SPOCK1: variants seen among roughly 807,000 people sequenced by gnomAD.
The protein encoded by SPOCK1 is testican-1.
SPOCK1 carries 23 observed loss-of-function variants against 55.3 expected under a neutral mutation model. The observed-to-expected ratio is 0.42, with a 90% CI of 0.30 to 0.59. SPOCK1 has a LOEUF of 0.59. Among genes scored for constraint, SPOCK1 ranks in the 20% least tolerant of loss-of-function variants. The pLI, the probability that SPOCK1 is intolerant of heterozygous loss-of-function variation, is 0.22. For missense variants in SPOCK1, 499 were observed against 552.5 expected (o/e 0.90, Z 0.97); for synonymous variants, 226 against 221.0 (o/e 1.02, Z -0.20).
intron 5 of SPOCK1, among the ~76,000 whole-genome samples, chr5:137,105,123 G>A (rs1261630051): frequency 6.6e-6 from 1 of 152,170 alleles, no homozygotes; most frequent in African/African-American, 2.4e-5. Context: ...CTGCACAGAT[G>A]GGAACATCCA....
intron 2 of SPOCK1, among the ~76,000 whole-genome samples, chr5:137,335,362 A>G (rs1230703786): frequency 6.6e-6 from 1 of 152,236 alleles, no homozygotes; most frequent in African/African-American, 2.4e-5. Flanking sequence ...AGAGAAGGCA[A>G]TATGCCAAAA....
chr5:137,167,519 A>G (rs1754672492), intron 3 of SPOCK1, among the ~76,000 whole-genome samples: 3 of 151,932 alleles, frequency 2.0e-5, no homozygotes, highest in Admixed American at 2.0e-4. Flanking sequence ...AATACACATT[A>G]TTTTTTTCAG....
chr5:137,138,578 G>C (rs902398566), intron 4 of SPOCK1, among the ~76,000 whole-genome samples: 1 of 151,496 alleles, frequency 6.6e-6, no homozygotes, highest in Non-Finnish European at 1.5e-5. Context: ...AGGGTATTTG[G>C]GTATTTTTAA....
chr5:137,051,804 C>A (rs1752213156), intron 6 of SPOCK1, among the ~76,000 whole-genome samples: 1 of 152,138 alleles, frequency 6.6e-6, no homozygotes, highest in Admixed American at 6.5e-5. Context: ...ACACCTTTAA[C>A]CTCCAGTATG....
intron 6 of SPOCK1, among the ~76,000 whole-genome samples, chr5:137,012,597 T>G (rs967336512): frequency 6.6e-6 from 1 of 152,192 alleles, no homozygotes; most frequent in Non-Finnish European, 1.5e-5. Context: ...CCCAAGGCTG[T>G]CTGATTCCAG....
chr5:137,487,303 G>A (rs1216751316), intron 2 of SPOCK1, among the ~76,000 whole-genome samples: 1 of 150,634 alleles, frequency 6.6e-6, no homozygotes, highest in African/African-American at 2.4e-5. Context: ...CTTTTTTAGG[G>A]GGCAGGGGAG....
chr5:137,128,880 T>C (rs1291496469), intron 4 of SPOCK1, among the ~76,000 whole-genome samples: 1 of 152,226 alleles, frequency 6.6e-6, no homozygotes, highest in Non-Finnish European at 1.5e-5. Context: ...GATTAGATTA[T>C]ACACATTCAC....
intron 5 of SPOCK1, among the ~76,000 whole-genome samples, chr5:137,089,758 G>C (rs1753022306): frequency 6.6e-6 from 1 of 152,212 alleles, no homozygotes. Context: ...CACTGATTTT[G>C]AGTAACAAAA....
At chr5:137,451,365 T>G (rs1753251971) in intron 2 of SPOCK1, among the ~76,000 whole-genome samples, 1 of 152,230 alleles carries the variant, frequency 6.6e-6, no homozygotes. Flanking sequence ...CAAGCTCACG[T>G]TTCAGCCTTA....
chr5:137,298,926 C>G (rs1364249326), intron 2 of SPOCK1, among the ~76,000 whole-genome samples: 1 of 152,096 alleles, frequency 6.6e-6, no homozygotes, highest in Non-Finnish European at 1.5e-5. Context: ...GGTGTCCTCC[C>G]TTTCAATCCA....
intron 4 of SPOCK1, among the ~76,000 whole-genome samples, chr5:137,122,240 T>TGC (rs1554098637): frequency 7.5e-6 from 1 of 132,958 alleles, no homozygotes; most frequent in African/African-American, 2.9e-5. Context: ...AAAGCAGTTA[T>TGC]ACACACACAC....
intron 6 of SPOCK1, among the ~76,000 whole-genome samples, chr5:137,021,630 T>G (rs1319883108): frequency 6.6e-6 from 1 of 152,232 alleles, no homozygotes; most frequent in Non-Finnish European, 1.5e-5. Context: ...GTTCTGAGCC[T>G]AACTGTATTC....
rs77970200 is a variant in SPOCK1, at chr5:137,328,443, G to A, written c.187-61388C>T. Among the ~76,000 whole-genome samples the A allele has an allele frequency of 5.5e-3, 835 of 152,328 alleles. 6 individuals carry two copies. The highest frequency in any genetic ancestry group is 0.019 in the African/African-American group (790 of 41,560). On this transcript the variant is annotated intron_variant, in intron 2 of 10. Coordinates refer to ENST00000394945, the MANE Select transcript of SPOCK1 (RefSeq NM_004598.4). Reference sequence around the variant, plus strand: ...ATGTGGTCTTCAGGGGAGAGAGCAAGTCAGATACTAAGACCTGAACCTAGC... The same window carrying A: ...ATGTGGTCTTCAGGGGAGAGAGCAAATCAGATACTAAGACCTGAACCTAGC...
chr5:137,160,334 T>C (rs1044959162), intron 3 of SPOCK1, among the ~76,000 whole-genome samples: 3 of 124,426 alleles, frequency 2.4e-5, no homozygotes, highest in Admixed American at 2.1e-4. Context: ...ATATATATTA[T>C]ATATATTATA....
At chr5:137,283,429 A>G (rs17171291) in intron 2 of SPOCK1, among the ~76,000 whole-genome samples, 21,434 of 152,238 alleles carry the variant, frequency 0.14, 1,704 homozygotes, top group Admixed American at 0.2. Context: ...AAGAACTAGC[A>G]GAGACCAGGC....
intron 3 of SPOCK1, among the ~76,000 whole-genome samples, chr5:137,216,683 C>T (rs1755722697): frequency 6.6e-6 from 1 of 151,910 alleles, no homozygotes; most frequent in African/African-American, 2.4e-5. Flanking sequence ...TGCACTGCAG[C>T]CTGGGTGATA....
At chr5:137,218,255 C>G (rs547696465) in intron 3 of SPOCK1, among the ~76,000 whole-genome samples, 31 of 152,308 alleles carry the variant, frequency 2.0e-4, no homozygotes, top group African/African-American at 7.0e-4. Context: ...TCTTGACTTT[C>G]GGTCTAATGG....
At chr5:137,338,594 A>G (rs1177792023) in intron 2 of SPOCK1, among the ~76,000 whole-genome samples, 1 of 151,918 alleles carries the variant, frequency 6.6e-6, no homozygotes, top group African/African-American at 2.4e-5. Context: ...GAATCGCCAC[A>G]CTGACTTCCA....
At chr5:137,063,445 G>C (rs182265529) in intron 6 of SPOCK1, among the ~76,000 whole-genome samples, 191 of 150,684 alleles carry the variant, frequency 1.3e-3, no homozygotes, top group African/African-American at 4.4e-3. Flanking sequence ...GGTGAGACAA[G>C]AGAGTTCTGA....
Sources: gnomAD v4.1 joint callset for allele counts (sites outside exome capture counted in the v4.1 genomes callset) on GRCh38, gnomAD v4.1.1 for gene constraint, MANE v1.5 for transcripts, NCBI Gene and HGNC (gene_info 2026-07-23, HGNC 2026-07-21) for gene names.